Variants in MATN3 observed in about 807,000 individuals in gnomAD.
The protein encoded by MATN3 is matrilin 3, also known as matrilin-3.
Under a neutral mutation model 45.3 loss-of-function variants are expected in MATN3, and 48 were observed. The ratio of observed to expected loss-of-function variants is 1.06; its 90% CI spans 0.84 to 1.35. MATN3 has a LOEUF of 1.35. MATN3 is among the 40% of genes most tolerant of loss of function. The pLI is 0.00. For synonymous variants in MATN3, 217 were observed against 245.9 expected (o/e 0.88, Z 1.10); for missense variants, 599 against 628.0 (o/e 0.95, Z 0.49).
intron 1 of MATN3, among the ~76,000 whole-genome samples, chr2:20,010,009 G>A (rs1673185186): frequency 7.4e-6 from 1 of 135,120 alleles, no homozygotes; most frequent in African/African-American, 2.8e-5. Context: ...ACCTCTTGAG[G>A]GCTGTGTCAC....
chr2:20,001,945 C>A lies in MATN3; in HGVS notation c.1042+10G>T, dbSNP rs1672992049. On this transcript the variant is annotated intron_variant, in intron 4 of 7. Transcript: ENST00000407540. ...TAAGTAGCAATAGTAAAGACTCCTC[C>A]CTCACTTACCTGAACAAGTTTTCCT... 3 of 1,612,142 alleles carry A rather than the reference C, an allele frequency of 1.9e-6. No individual in the cohort carries two copies. Among genetic ancestry groups the A allele is most frequent in the Non-Finnish European group, 2.5e-6 (3 of 1,178,966 alleles).
rs1411936036 is a variant in MATN3, at chr2:20,012,418, G to C, written c.214C>G (p.Arg72Gly). ...ASGTSEPGRA[R>G]GAGVCKSRPL... Reference sequence around the variant, plus strand: ...CGCCGCCCGCCTGTACCTGCACCGCGGGCGCGGCCAGGCTCGCTGGTCCCG... The same window carrying C: ...CGCCGCCCGCCTGTACCTGCACCGCCGGCGCGGCCAGGCTCGCTGGTCCCG... The change falls in exon 1 of 8, where the codon CGC (arginine) becomes GGC (glycine). Residue 72 changes from arginine to glycine, a missense_variant. By Grantham distance (125) the Arg-to-Gly change is moderately radical. Coordinates refer to ENST00000407540, the MANE Select transcript of MATN3 (RefSeq NM_002381.5). This position sits in a 1 kb window ranked among gnomAD's most constrained non-coding sequence, Gnocchi z 4.3. 1 of 1,229,226 alleles carries C rather than the reference G, an allele frequency of 8.1e-7. No individual in the cohort carries two copies. Among genetic ancestry groups the C allele is most frequent in the African/African-American group, 1.6e-5 (1 of 64,260 alleles). 76.1% of individuals were successfully genotyped at this position (1,229,226 alleles called of 1,614,324 possible). A position where few individuals can be genotyped will look rare whatever the true frequency, so the allele number is the denominator to read the frequency against.
At chr2:20,002,563 A>G (rs1275123008) in intron 3 of MATN3, among the ~76,000 whole-genome samples, 1 of 152,070 alleles carries the variant, frequency 6.6e-6, no homozygotes, top group African/African-American at 2.4e-5. Flanking sequence ...CAAATCCTCA[A>G]AAGGGCTAAG....
intron 7 of MATN3, 105 bp from the exon 8 acceptor site, chr2:19,993,271 G>GA (rs1469222305): frequency 7.5e-5 from 66 of 884,020 alleles, no homozygotes; most frequent in East Asian, 7.0e-4. Context: ...TATGAGAAGT[G>GA]AAAAAAAAGA....
At chr2:20,005,670 T>A (rs963693880) in intron 2 of MATN3, 74 bp downstream of exon 2, 4 of 1,124,518 alleles carry the variant, frequency 3.6e-6, no homozygotes, top group Non-Finnish European at 5.0e-6. Flanking sequence ...AAAAGAATAA[T>A]ACTCTTTTCT....
rs1406090813 is a variant in MATN3 at position 19,993,102 on chromosome 2, T to G, written c.*9A>C. 1 of 1,610,048 alleles carries G rather than the reference T, an allele frequency of 6.2e-7. No homozygotes were observed. The highest frequency in any genetic ancestry group is 1.7e-5 in the Admixed American group (1 of 59,984). ...CTGTCCACATTTTCAGGTGAGAAATTGGAGCAATTTAACGATGTATTTGTC... is the reference window on the plus strand; with the variant it reads ...CTGTCCACATTTTCAGGTGAGAAATGGGAGCAATTTAACGATGTATTTGTC... On this transcript the variant is annotated 3_prime_UTR_variant, in exon 8 of 8. Transcript: ENST00000407540.
intron 4 of MATN3, among the ~76,000 whole-genome samples, chr2:20,001,413 T>C (rs1306063603): frequency 1.3e-5 from 2 of 152,212 alleles, no homozygotes; most frequent in African/African-American, 4.8e-5. Context: ...TTCTGAGAAG[T>C]ACTGGAAAAC....
chr2:20,012,643 TG>T lies in MATN3; in HGVS notation c.-13del. ...GCCGGGCGCGGCATGGTGGGCTCCG[TG>T]GGCCTGGTGGTGTCCGTCGGGGGCC... On this transcript the variant is annotated 5_prime_UTR_variant, in exon 1 of 8. Transcript: ENST00000407540. This position sits in a 1 kb window ranked among gnomAD's most constrained non-coding sequence, Gnocchi z 4.3. The T allele has an allele frequency of 8.5e-7, 1 of 1,178,574 alleles. No homozygotes were observed. The highest frequency in any genetic ancestry group is 1.1e-6 in the Non-Finnish European group (1 of 944,948). The allele number at this position is 1,178,574 out of a possible 1,614,324, so 73.0% of individuals were successfully genotyped here.
chr2:19,998,298 T>C (rs1291990965), intron 5 of MATN3, among the ~76,000 whole-genome samples: 1 of 152,168 alleles, frequency 6.6e-6, no homozygotes, highest in East Asian at 1.9e-4. Flanking sequence ...GTACCCACTC[T>C]ACAGGTGGCA....
At chr2:19,994,768 A>C (rs144183463) in intron 6 of MATN3, among the ~76,000 whole-genome samples, 7 of 152,310 alleles carry the variant, frequency 4.6e-5, no homozygotes, top group Non-Finnish European at 8.8e-5. Flanking sequence ...GAAATAAGAC[A>C]ATGTTTATGT....
At chr2:19,996,981 G>A (rs1020372115) in intron 6 of MATN3, among the ~76,000 whole-genome samples, 153 bp downstream of exon 6, 1 of 152,142 alleles carries the variant, frequency 6.6e-6, no homozygotes, top group African/African-American at 2.4e-5. Context: ...CTGGTATAGG[G>A]GTATCATTGT....
chr2:19,997,189 G>C lies in MATN3; in HGVS notation c.1239C>G (p.Tyr413Ter). ...TGTAGCCAGGATAGCAATCACAGTG[G>C]TAGGATGCGGCCCCATCACTCACAC... ...HICVSDGAAS[Y>*]HCDCYPGYTL... Residue 413 changes from tyrosine to a stop codon, truncating the protein, a stop_gained, in exon 6 of 8, where the codon TAC becomes TAG. Coordinates refer to ENST00000407540, the MANE Select transcript of MATN3 (RefSeq NM_002381.5). LOFTEE classifies it high-confidence loss of function. 6.2e-7 allele frequency: 1 copy of C among 1,613,874 alleles called. No individual in the cohort carries two copies.
intron 1 of MATN3, among the ~76,000 whole-genome samples, chr2:20,008,582 T>C (rs1673157992): frequency 6.6e-6 from 1 of 152,162 alleles, no homozygotes; most frequent in African/African-American, 2.4e-5. Context: ...GGTATTTAAT[T>C]AACAAAAAGA....
Position 19,998,275 on chromosome 2 carries a change from T to C in MATN3, c.1169-1016A>G, listed in dbSNP as rs186034135. 3.4e-3 allele frequency among the ~76,000 whole-genome samples: 520 copies of C among 152,186 alleles called. 3 individuals are homozygous for C. The highest frequency in any genetic ancestry group is 4.9e-3 in the Non-Finnish European group (335 of 67,992). On this transcript the variant is annotated intron_variant, in intron 5 of 7. Transcript: ENST00000407540. ...GCAGGGTGTTTCATTTTTTTCCCCC[T>C]CATTCCAGGTTAGTACCCACTCTAC...
chr2:19,994,843 C>G (rs1175920907), intron 6 of MATN3, among the ~76,000 whole-genome samples: 2 of 152,116 alleles, frequency 1.3e-5, no homozygotes. Flanking sequence ...AATGCCAGCA[C>G]TTTTGGAGGC....
intron 5 of MATN3, among the ~76,000 whole-genome samples, chr2:19,998,696 GTA>G (rs1672926025): frequency 6.6e-6 from 1 of 151,856 alleles, no homozygotes; most frequent in Non-Finnish European, 1.5e-5. Flanking sequence ...GGTAGAGGCT[GTA>G]TGAGCCAAGA....
rs1191450373 is a variant in MATN3 at position 20,006,042 on chromosome 2, T to C, written c.492A>G (p.Leu164=). 2 of 1,613,912 alleles carry C rather than the reference T, an allele frequency of 1.2e-6. No homozygotes were observed. The highest frequency in any genetic ancestry group is 2.7e-5 in the African/African-American group (2 of 74,936). ...CTTCGTCCATTGCTGTCTGGATGGC[T>C]AGGCCTGACATGGTGCCTGTTGACA... ...TPLSTGTMSG[L]AIQTAMDEAF... is the part of the protein sequence containing the mutation. The change falls in exon 2 of 8, where the codon CTA becomes CTG. Residue 164 remains leucine, a synonymous_variant. Transcript: ENST00000407540.
intron 2 of MATN3, among the ~76,000 whole-genome samples, chr2:20,005,258 A>C (rs1387854765): frequency 6.6e-6 from 1 of 152,196 alleles, no homozygotes; most frequent in Non-Finnish European, 1.5e-5. Flanking sequence ...TGACATTGGA[A>C]TAGAGGCCTG....
intron 4 of MATN3, 48 bp from the exon 5 acceptor site, chr2:20,000,614 T>C (rs768088352): frequency 1.3e-6 from 2 of 1,568,346 alleles, no homozygotes; most frequent in East Asian, 4.5e-5. Flanking sequence ...TGGAAAAGTA[T>C]TTTATTACCC....
Sources: allele counts gnomAD v4.1 joint callset (sites outside exome capture counted in the v4.1 genomes callset), GRCh38; gene constraint gnomAD v4.1.1; non-coding constraint Gnocchi (gnomAD v3.1); transcripts MANE v1.5; gene names NCBI Gene and HGNC (gene_info 2026-07-23, HGNC 2026-07-21).